The following TRAK1 variants were observed in gnomAD, a reference collection of about 807,000 sequenced individuals.
TRAK1 encodes trafficking kinesin-binding protein 1.
In TRAK1, 33 loss-of-function variants were observed where a neutral mutation model predicts 92.1. The observed-to-expected ratio is 0.36, with a 90% CI of 0.27 to 0.48. The LOEUF (loss-of-function observed/expected upper bound fraction) is 0.48, where lower values mean the gene tolerates loss of function less well. Ranked by LOEUF, TRAK1 falls within the 20% of genes least tolerant of loss-of-function variation. The pLI is 0.99. For synonymous variants in TRAK1, 521 were observed against 517.3 expected (o/e 1.01, Z -0.10); for missense variants, 1,123 against 1,257.9 (o/e 0.89, Z 1.62).
chr3:42,095,294 A>G (rs958383730), intron 1 of TRAK1, among the ~76,000 whole-genome samples: 2 of 152,222 alleles, frequency 1.3e-5, no homozygotes, highest in African/African-American at 4.8e-5. Context: ...GGCACAGAGT[A>G]GGCAGCTTAA....
intron 1 of TRAK1, among the ~76,000 whole-genome samples, chr3:42,093,206 G>GTT (rs539895918): frequency 6.8e-6 from 1 of 148,048 alleles, no homozygotes. Flanking sequence ...TAATTTAGAA[G>GTT]TTTTTTTTTT....
chr3:42,120,788 C>T (rs930665518), intron 1 of TRAK1, among the ~76,000 whole-genome samples: 7 of 152,088 alleles, frequency 4.6e-5, no homozygotes, highest in Admixed American at 4.6e-4. Context: ...CCTCGTGTTC[C>T]GCCCACCTCA....
At chr3:42,194,988 G>A in intron 10 of TRAK1, 47 bp downstream of exon 10, 7 of 1,604,836 alleles carry the variant, frequency 4.4e-6, no homozygotes, top group East Asian at 2.2e-5. Flanking sequence ...GGGTTCTGGT[G>A]ACAGGAGCAC....
intron 2 of TRAK1, among the ~76,000 whole-genome samples, chr3:42,152,310 G>GAGATTTGAAATAGCC: frequency 6.6e-6 from 1 of 152,290 alleles, no homozygotes; most frequent in South Asian, 2.1e-4. Flanking sequence ...ACTTTTACGA[G>GAGATTTGAAATAGCC]AGATTTGAAA....
At chr3:42,203,224 T>C in intron 13 of TRAK1, 1 of 1,074,372 alleles carries the variant, frequency 9.3e-7, no homozygotes, top group Non-Finnish European at 1.1e-6. Flanking sequence ...CATAACCACC[T>C]GAATGTGATT....
At chr3:42,099,529 G>A (rs1706431954) in intron 1 of TRAK1, among the ~76,000 whole-genome samples, 1 of 152,164 alleles carries the variant, frequency 6.6e-6, no homozygotes, top group South Asian at 2.1e-4. Context: ...TAGTGGGAGA[G>A]ATGGAAATGG....
rs79779042 is a variant in TRAK1 at position 42,132,203 on chromosome 3, A to C, written c.286+6589A>C. On this transcript the variant is annotated intron_variant, in intron 2 of 15. Coordinates refer to ENST00000327628, the MANE Select transcript of TRAK1 (RefSeq NM_001042646.3). ...TGTACACATCTTTCCATATACTCTA[A>C]GTCTAGATTACTTGTATTACTTGTA... 6.0e-3 allele frequency among the ~76,000 whole-genome samples: 903 copies of C among 151,380 alleles called. 33 individuals carry two copies. In the East Asian group the frequency reaches 0.1, roughly 17 times the overall value.
At chr3:42,166,659 A>ATTC (rs1239370883) in intron 2 of TRAK1, among the ~76,000 whole-genome samples, 6 of 152,234 alleles carry the variant, frequency 3.9e-5, no homozygotes, top group Admixed American at 6.5e-5. Flanking sequence ...CATTTCATTT[A>ATTC]TTCTTCTCTG....
intron 12 of TRAK1, among the ~76,000 whole-genome samples, chr3:42,201,348 T>C (rs900337910): frequency 4.6e-5 from 7 of 152,076 alleles, no homozygotes. Flanking sequence ...TAATCTCAGC[T>C]ACTCAGGAGG....
intron 1 of TRAK1, among the ~76,000 whole-genome samples, chr3:42,092,035 A>C (rs1705141590): frequency 6.6e-6 from 1 of 152,170 alleles, no homozygotes; most frequent in African/African-American, 2.4e-5. Flanking sequence ...GTTTTTCAGA[A>C]GGTGAAGGAC....
chr3:42,096,250 A>T (rs1182642763), intron 1 of TRAK1, among the ~76,000 whole-genome samples: 1 of 152,154 alleles, frequency 6.6e-6, no homozygotes, highest in African/African-American at 2.4e-5. Flanking sequence ...AATTTTATTT[A>T]TTTTATTTCT....
intron 14 of TRAK1, chr3:42,219,032 G>T: frequency 1.0e-6 from 1 of 985,380 alleles, no homozygotes; most frequent in Non-Finnish European, 1.2e-6. Flanking sequence ...TGCCCTGTTT[G>T]CAGGTTTCAA....
At chr3:42,024,663 A>G (rs9814199) in intron 1 of TRAK1, among the ~76,000 whole-genome samples, 3 of 152,156 alleles carry the variant, frequency 2.0e-5, no homozygotes, top group Non-Finnish European at 2.9e-5. Context: ...TAATCATATG[A>G]TTGCTATTGA....
chr3:42,041,053 T>TG (rs1280531683), intron 1 of TRAK1, among the ~76,000 whole-genome samples: 1 of 150,498 alleles, frequency 6.6e-6, no homozygotes, highest in African/African-American at 2.4e-5. Flanking sequence ...TTGTTGTTGT[T>TG]TTTTTTTTCC....
At chr3:42,085,459 G>A (rs1704626647), upstream of TRAK1, among the ~76,000 whole-genome samples, 1 of 152,184 alleles carries the variant, frequency 6.6e-6, no homozygotes, top group Non-Finnish European at 1.5e-5. Context: ...GTGAGCCACT[G>A]TGCCCAGTCA....
At chr3:42,211,023 G>A in intron 14 of TRAK1, 1 of 985,470 alleles carries the variant, frequency 1.0e-6, no homozygotes, top group Non-Finnish European at 1.2e-6. Flanking sequence ...CCTTGTGTTG[G>A]GAAGGCAAAG....
chr3:42,080,234 C>T (rs1352558331), intron 1 of TRAK1, among the ~76,000 whole-genome samples: 3 of 152,132 alleles, frequency 2.0e-5, no homozygotes, highest in Non-Finnish European at 2.9e-5. Context: ...ACTGGCATAA[C>T]GTTGAACAAC....
chr3:42,032,823 G>A (rs1478102930), intron 1 of TRAK1, among the ~76,000 whole-genome samples: 1 of 152,162 alleles, frequency 6.6e-6, no homozygotes, highest in Non-Finnish European at 1.5e-5. Flanking sequence ...CTCAGAGGCC[G>A]AGGTGGGAGG....
At chr3:42,019,879 A>T (rs1009462744) in intron 1 of TRAK1, among the ~76,000 whole-genome samples, 1 of 152,248 alleles carries the variant, frequency 6.6e-6, no homozygotes, top group African/African-American at 2.4e-5. Flanking sequence ...GAGAGCAGAA[A>T]CTACCCTTGA....
Sources: gnomAD v4.1 joint callset for allele counts (sites outside exome capture counted in the v4.1 genomes callset) on GRCh38, gnomAD v4.1.1 for gene constraint, MANE v1.5 for transcripts, NCBI Gene and HGNC (gene_info 2026-07-23, HGNC 2026-07-21) for gene names.